Variants in ZFHX3 observed in about 807,000 individuals in gnomAD.
ZFHX3 encodes the protein zinc finger homeobox protein 3.
ZFHX3 carries 42 observed loss-of-function variants against 279.1 expected under a neutral mutation model. That is an observed-to-expected ratio of 0.15 (90% confidence interval 0.12 to 0.19). The LOEUF (loss-of-function observed/expected upper bound fraction) is 0.19. Among genes scored for constraint, ZFHX3 ranks in the 10% least tolerant of loss-of-function variants. ZFHX3 has a pLI of 1.00. For missense variants in ZFHX3, 4,981 were observed against 4,754.0 expected (o/e 1.05, Z -1.40); for synonymous variants, 2,293 against 1,957.8 (o/e 1.17, Z -4.52).
intron 1 of ZFHX3, among the ~76,000 whole-genome samples, chr16:73,820,537 C>T (rs1168757798): frequency 6.6e-6 from 1 of 152,100 alleles, no homozygotes; most frequent in Non-Finnish European, 1.5e-5. Context: ...ATTGAGTTTG[C>T]AGCCAGCCCT....
intron 1 of ZFHX3, among the ~76,000 whole-genome samples, chr16:73,771,096 G>A (rs563425724): frequency 1.3e-5 from 2 of 152,300 alleles, no homozygotes; most frequent in South Asian, 4.1e-4. Flanking sequence ...GGAACACAAA[G>A]GTCAAGGATG....
chr16:73,398,080 G>A (rs2017167336), intron 3 of ZFHX3, among the ~76,000 whole-genome samples: 1 of 152,172 alleles, frequency 6.6e-6, no homozygotes, highest in Admixed American at 6.5e-5. Context: ...CCTGCCCTCA[G>A]GTGATCCACC....
At chr16:73,303,617 A>G (rs2015108771) in intron 4 of ZFHX3, among the ~76,000 whole-genome samples, 1 of 152,328 alleles carries the variant, frequency 6.6e-6, no homozygotes, top group African/African-American at 2.4e-5. Context: ...AATTAAAGCT[A>G]TTATCTGTAT....
At chr16:73,479,936 G>T (rs1023403652) in intron 2 of ZFHX3, among the ~76,000 whole-genome samples, 1 of 152,164 alleles carries the variant, frequency 6.6e-6, no homozygotes, top group African/African-American at 2.4e-5. Context: ...ATGGAGGCAT[G>T]GGGAGGTTAA....
chr16:73,820,943 T>G (rs1159097501), intron 1 of ZFHX3, among the ~76,000 whole-genome samples: 1 of 152,006 alleles, frequency 6.6e-6, no homozygotes, highest in Non-Finnish European at 1.5e-5. Flanking sequence ...GCACAATACT[T>G]TCCATTTGTT....
chr16:73,191,720 A>AT (rs1968040769), intron 5 of ZFHX3, among the ~76,000 whole-genome samples: 2 of 127,026 alleles, frequency 1.6e-5, no homozygotes, highest in South Asian at 4.4e-4. Flanking sequence ...ACAGAGCTGT[A>AT]TTTCTTTTTT....
chr16:73,665,883 C>A (rs1205869949), intron 2 of ZFHX3, among the ~76,000 whole-genome samples: 1 of 146,232 alleles, frequency 6.8e-6, no homozygotes, highest in Admixed American at 7.0e-5. Flanking sequence ...CTCTGTCGCC[C>A]AGGCTCACTG....
chr16:73,791,389 G>A (rs752093554), intron 1 of ZFHX3, among the ~76,000 whole-genome samples: 88 of 152,074 alleles, frequency 5.8e-4, no homozygotes, highest in Middle Eastern at 3.4e-3. Context: ...AGCCTGACCC[G>A]GGCCCAGAAT....
chr16:73,007,341 CTATTCCCTGAAACAGTGTATT>C (rs1963745852), intron 1 of ZFHX3, among the ~76,000 whole-genome samples: 1 of 152,222 alleles, frequency 6.6e-6, no homozygotes, highest in African/African-American at 2.4e-5. Context: ...ACCTCTTTTT[CTATTCCCTGAAACAGTGTATT>C]TAGCAGGCAA....
chr16:73,274,495 G>A (rs1172826901), intron 4 of ZFHX3, among the ~76,000 whole-genome samples: 3 of 152,054 alleles, frequency 2.0e-5, no homozygotes, highest in African/African-American at 4.8e-5. Flanking sequence ...TTACTTTAAA[G>A]TCTTTGATCC....
chr16:73,845,182 T>C (rs1961417251), intron 1 of ZFHX3, among the ~76,000 whole-genome samples: 2 of 152,106 alleles, frequency 1.3e-5, no homozygotes, highest in Non-Finnish European at 2.9e-5. Context: ...CACGCGACCA[T>C]AGGAAGTGCG....
intron 7 of ZFHX3, among the ~76,000 whole-genome samples, chr16:72,803,621 A>G (rs916580894): frequency 6.6e-6 from 1 of 152,196 alleles, no homozygotes; most frequent in Non-Finnish European, 1.5e-5. Context: ...CCAAACGAAA[A>G]AAGTTCTAAG....
At chr16:73,773,115 GACAA>G (rs2054038025) in intron 1 of ZFHX3, among the ~76,000 whole-genome samples, 1 of 152,178 alleles carries the variant, frequency 6.6e-6, no homozygotes, top group African/African-American at 2.4e-5. Flanking sequence ...ATGGAAATAA[GACAA>G]ACAAAAATCA....
chr16:73,004,414 T>C (rs1470594248), intron 1 of ZFHX3, among the ~76,000 whole-genome samples: 1 of 143,096 alleles, frequency 7.0e-6, no homozygotes, highest in East Asian at 2.1e-4. Context: ...CTGCAACCTC[T>C]GCCTTTTGGT....
chr16:73,018,625 A>G (rs943723471), intron 1 of ZFHX3, among the ~76,000 whole-genome samples: 2 of 152,102 alleles, frequency 1.3e-5, no homozygotes, highest in African/African-American at 4.8e-5. Flanking sequence ...AAATAACTCT[A>G]AATAATAAAT....
At chr16:73,700,724 T>C (rs2053238644) in intron 1 of ZFHX3, among the ~76,000 whole-genome samples, 1 of 152,200 alleles carries the variant, frequency 6.6e-6, no homozygotes, top group Non-Finnish European at 1.5e-5. Context: ...ACCACTAAGC[T>C]TATTAAAGCA....
intron 2 of ZFHX3, among the ~76,000 whole-genome samples, chr16:73,604,227 G>C (rs529339297): frequency 7.9e-5 from 12 of 152,068 alleles, no homozygotes; most frequent in Non-Finnish European, 1.6e-4. Context: ...TCTGGATAGA[G>C]GGATTATGGC....
intron 4 of ZFHX3, among the ~76,000 whole-genome samples, chr16:72,845,269 C>G (rs1207181250): frequency 1.3e-5 from 2 of 152,306 alleles, no homozygotes; most frequent in Admixed American, 6.5e-5. Flanking sequence ...GAACCCCCTC[C>G]CCCTGCCACC....
chr16:73,820,369 G>T (rs181651560), intron 1 of ZFHX3, among the ~76,000 whole-genome samples: 2 of 152,128 alleles, frequency 1.3e-5, no homozygotes, highest in Non-Finnish European at 2.9e-5. Flanking sequence ...CACCACACCC[G>T]GCCTGGGAGT....
Sources: gnomAD v4.1 joint callset for allele counts (sites outside exome capture counted in the v4.1 genomes callset) on GRCh38, gnomAD v4.1.1 for gene constraint, MANE v1.5 for transcripts, NCBI Gene and HGNC (gene_info 2026-07-23, HGNC 2026-07-21) for gene names.